The following ARHGAP12 variants were observed in gnomAD, a reference collection of about 807,000 sequenced individuals.
The protein encoded by ARHGAP12 is rho GTPase-activating protein 12.
In ARHGAP12, 64 loss-of-function variants were observed where a neutral mutation model predicts 108.6. That is an observed-to-expected ratio of 0.59 (90% confidence interval 0.48 to 0.73). The LOEUF is 0.73. ARHGAP12 is among the 30% of genes least tolerant of loss of function. ARHGAP12 has a pLI of 0.00. For missense variants in ARHGAP12, 940 were observed against 1,005.9 expected, an observed-to-expected ratio of 0.93 and a Z score of 0.89; for synonymous variants, 312 against 337.2, an observed-to-expected ratio of 0.93 and a Z score of 0.82.
chr10:31,871,199 C>T (rs904555107), intron 3 of ARHGAP12, among the ~76,000 whole-genome samples: 5 of 152,184 alleles, frequency 3.3e-5, no homozygotes, highest in Non-Finnish European at 7.3e-5. Flanking sequence ...GCACAAGCAA[C>T]ACTTTATTGT....
rs74127867 is a variant in ARHGAP12 at position 31,899,053 on chromosome 10, T to G, written c.684+9119A>C. 4.0e-3 allele frequency among the ~76,000 whole-genome samples: 608 copies of G among 152,270 alleles called. 2 individuals carry two copies. The highest frequency in any genetic ancestry group is 0.014 in the African/African-American group (591 of 41,558). On this transcript the variant is annotated intron_variant, in intron 3 of 19. Coordinates refer to ENST00000344936, the MANE Select transcript of ARHGAP12 (RefSeq NM_018287.7). Reference sequence around the variant, plus strand: ...TGAACATTGAAAACATTTAGTCAAGTGCAAGAAAGCAGTCACAAAAGACCA... The same window carrying G: ...TGAACATTGAAAACATTTAGTCAAGGGCAAGAAAGCAGTCACAAAAGACCA...
At chr10:31,915,317 C>T (rs568067626) in intron 1 of ARHGAP12, among the ~76,000 whole-genome samples, 187 of 149,438 alleles carry the variant, frequency 1.3e-3, no homozygotes, top group Non-Finnish European at 2.0e-3. Flanking sequence ...ACCCGGGAGG[C>T]GGAGGTCGTG....
rs773526117 is a variant in ARHGAP12, at chr10:31,861,629, T to C, written c.714A>G (p.Pro238=). 27 of 1,608,374 alleles carry C rather than the reference T, an allele frequency of 1.7e-5. No individual in the cohort carries two copies. The highest frequency in any genetic ancestry group is 4.0e-5 in the African/African-American group (3 of 74,590). The change falls in exon 4 of 20, where the codon CCA becomes CCG. Residue 238 remains proline (P), a synonymous_variant. Coordinates refer to ENST00000344936, the MANE Select transcript of ARHGAP12 (RefSeq NM_018287.7). Reference sequence around the variant, plus strand: ...GAAGGTTAGCATAGACAGGAGAATCTGGCCTTCCTTGATTTGGAGGTGTGG... The same window carrying C: ...GAAGGTTAGCATAGACAGGAGAATCCGGCCTTCCTTGATTTGGAGGTGTGG... ...RATTPPNQGR[P]DSPVYANLQE... is the part of the protein sequence containing the mutation.
chr10:31,894,496 C>T (rs1231823400), intron 3 of ARHGAP12, among the ~76,000 whole-genome samples: 5 of 152,086 alleles, frequency 3.3e-5, no homozygotes, highest in African/African-American at 1.2e-4. Flanking sequence ...CTCCCATTCA[C>T]AATTGCTTCA....
In ARHGAP12 at chr10:31,805,596, T is replaced by C. The variant is rs1834792919; in HGVS notation, c.*2062A>G. The C allele has an allele frequency of 6.6e-6, 1 of 151,124 alleles. No homozygotes were observed. The highest frequency in any genetic ancestry group is 1.5e-5 in the Non-Finnish European group (1 of 67,928). 9.4% of individuals were successfully genotyped at this position (151,124 alleles called of 1,614,324 possible). On this transcript the variant is annotated 3_prime_UTR_variant, in exon 20 of 20. Coordinates refer to ENST00000344936, the MANE Select transcript of ARHGAP12 (RefSeq NM_018287.7). ...CGCAAGACATTAATCTCACTGTACATACAATATTACAATAAACTGATTAGC... is the reference window on the plus strand; with the variant it reads ...CGCAAGACATTAATCTCACTGTACACACAATATTACAATAAACTGATTAGC...
intron 1 of ARHGAP12, among the ~76,000 whole-genome samples, chr10:31,924,758 C>T (rs1839959997): frequency 1.3e-5 from 2 of 152,086 alleles, no homozygotes; most frequent in African/African-American, 4.8e-5. Flanking sequence ...AACTTGGAGT[C>T]AGAGGTCTAA....
chr10:31,925,175 A>G, intron 1 of ARHGAP12, among the ~76,000 whole-genome samples: 1 of 152,192 alleles, frequency 6.6e-6, no homozygotes, highest in East Asian at 1.9e-4. Context: ...CAAGTGCTTT[A>G]AAAGTTTTAG....
At chr10:31,897,836 T>C (rs1838762977) in intron 3 of ARHGAP12, among the ~76,000 whole-genome samples, 1 of 152,122 alleles carries the variant, frequency 6.6e-6, no homozygotes, top group Non-Finnish European at 1.5e-5. Flanking sequence ...TGAAAATATC[T>C]ACTATTAGGC....
At chr10:31,840,189 T>C (rs1240876996) in intron 7 of ARHGAP12, among the ~76,000 whole-genome samples, 1 of 152,074 alleles carries the variant, frequency 6.6e-6, no homozygotes, top group Non-Finnish European at 1.5e-5. Flanking sequence ...AGAAATTAAA[T>C]TGCTATTAGT....
In ARHGAP12 at chr10:31,869,522, G is replaced by A. The variant is rs1837460661; in HGVS notation, c.685-7864C>T. Among the ~76,000 whole-genome samples the A allele has an allele frequency of 2.7e-5, 4 of 150,532 alleles. No homozygotes were observed. In the South Asian group the frequency reaches 6.3e-4, roughly 24 times the overall value. Reference sequence around the variant, plus strand: ...ACTGCACTCCAGCCTGGGTAACAGAGCGAGACTCTGTCTCAAAAACAAACA... The same window carrying A: ...ACTGCACTCCAGCCTGGGTAACAGAACGAGACTCTGTCTCAAAAACAAACA... On this transcript the variant is annotated intron_variant, in intron 3 of 19. Coordinates refer to ENST00000344936, the MANE Select transcript of ARHGAP12 (RefSeq NM_018287.7).
At chr10:31,828,474 C>A (rs1835708468) in intron 10 of ARHGAP12, among the ~76,000 whole-genome samples, 1 of 151,836 alleles carries the variant, frequency 6.6e-6, no homozygotes, top group Admixed American at 6.6e-5. Context: ...TCTTCTATTT[C>A]TTTAGATATC....
At chr10:31,902,577 GAGA>G (rs1264884292) in intron 3 of ARHGAP12, among the ~76,000 whole-genome samples, 1 of 151,516 alleles carries the variant, frequency 6.6e-6, no homozygotes, top group Non-Finnish European at 1.5e-5. Context: ...TCACGAGGCT[GAGA>G]AGATCACTTA....
intron 4 of ARHGAP12, among the ~76,000 whole-genome samples, chr10:31,856,046 G>A (rs747105435): frequency 2.6e-5 from 4 of 152,108 alleles, no homozygotes; most frequent in Non-Finnish European, 5.9e-5. Context: ...ACTTTGGGAT[G>A]TATTCTGCAG....
At chr10:31,820,956 C>T (rs930052627) in intron 11 of ARHGAP12, among the ~76,000 whole-genome samples, 1 of 152,048 alleles carries the variant, frequency 6.6e-6, no homozygotes, top group Admixed American at 6.6e-5. Flanking sequence ...TCCTAGACTA[C>T]ACATGACTAT....
intron 3 of ARHGAP12, among the ~76,000 whole-genome samples, chr10:31,893,893 T>C (rs1411887101): frequency 6.6e-6 from 1 of 152,218 alleles, no homozygotes; most frequent in Non-Finnish European, 1.5e-5. Flanking sequence ...AAAAAGCTTA[T>C]CCACTACGAT....
rs191400511 is a variant in ARHGAP12 at position 31,899,564 on chromosome 10, T to C, written c.684+8608A>G. ...GAGATCAATGGAACAGAATAAAAAGTTCAGAAACATACCCACAAAAATTGA... is the reference window on the plus strand; with the variant it reads ...GAGATCAATGGAACAGAATAAAAAGCTCAGAAACATACCCACAAAAATTGA... On this transcript the variant is annotated intron_variant, in intron 3 of 19. Transcript: ENST00000344936. Among the ~76,000 whole-genome samples, 366 of 152,144 alleles carry C rather than the reference T, an allele frequency of 2.4e-3. 3 individuals carry two copies. Among genetic ancestry groups the C allele is most frequent in the African/African-American group, 8.4e-3 (349 of 41,506 alleles).
chr10:31,871,929 C>T (rs1837556820), intron 3 of ARHGAP12, among the ~76,000 whole-genome samples: 1 of 152,190 alleles, frequency 6.6e-6, no homozygotes, highest in Admixed American at 6.5e-5. Context: ...ATAGAGCCCA[C>T]ATCTCTCCAG....
At chr10:31,816,967 T>C (rs1404604989) in intron 13 of ARHGAP12, among the ~76,000 whole-genome samples, 3 of 152,192 alleles carry the variant, frequency 2.0e-5, no homozygotes, top group Non-Finnish European at 4.4e-5. Flanking sequence ...CAGTAGTATC[T>C]TTCATTTCTG....
intron 1 of ARHGAP12, among the ~76,000 whole-genome samples, chr10:31,917,774 A>G (rs1197210119): frequency 2.0e-5 from 3 of 152,148 alleles, no homozygotes; most frequent in Non-Finnish European, 2.9e-5. Context: ...AGGAGAAAAC[A>G]CTCTATAATG....
Sources: gnomAD v4.1 joint callset for allele counts (sites outside exome capture counted in the v4.1 genomes callset) on GRCh38, gnomAD v4.1.1 for gene constraint, MANE v1.5 for transcripts, NCBI Gene and HGNC (gene_info 2026-07-23, HGNC 2026-07-21) for gene names.